RGS5: variants seen among roughly 807,000 people sequenced by gnomAD.
The protein encoded by RGS5 is regulator of G protein signaling 5.
A neutral mutation model predicts 18.9 loss-of-function variants in RGS5; 20 were observed. That is an observed-to-expected ratio of 1.06 (90% CI 0.74 to 1.54). The LOEUF (loss-of-function observed/expected upper bound fraction) is 1.54. RGS5 is among the 40% of genes most tolerant of loss of function. The probability of loss-of-function intolerance (pLI) is 0.00; values close to 1 mark genes in which losing one functional copy is unlikely to be tolerated. For synonymous variants in RGS5, 57 were observed against 76.2 expected (o/e 0.75, Z 1.31); for missense variants, 201 against 211.8 (o/e 0.95, Z 0.32).
intron 1 of RGS5, among the ~76,000 whole-genome samples, chr1:163,192,997 T>C (rs1659417634): frequency 6.6e-6 from 1 of 152,226 alleles, no homozygotes; most frequent in Admixed American, 6.5e-5. Context: ...GAAACAGATG[T>C]TCGGCACAAG....
chr1:163,217,585 T>G, exon 1 of RGS5: 1 of 1,547,020 alleles, frequency 6.5e-7, no homozygotes, highest in Non-Finnish European at 8.7e-7. Flanking sequence ...GAAATGTTTC[T>G]TGCGCACATT....
intron 2 of RGS5, among the ~76,000 whole-genome samples, chr1:163,261,626 C>A (rs1648435718): frequency 6.6e-6 from 1 of 152,176 alleles, no homozygotes; most frequent in Non-Finnish European, 1.5e-5. Context: ...ATGGGAAACG[C>A]CTCACTCCTC....
In RGS5 at chr1:163,146,893, G is replaced by C. The variant is rs1372181123; in HGVS notation, c.*449C>G. ...TATTAACCAAGTTCAGAAATAATTA[G>C]AGGGGTGATCTCCCTGGATCAGAAC... is the stretch of plus-strand genomic sequence containing the variant. On this transcript the variant is annotated 3_prime_UTR_variant, in exon 5 of 5. Coordinates refer to ENST00000313961, the MANE Select transcript of RGS5 (RefSeq NM_003617.4). 2.0e-5 allele frequency: 3 copies of C among 152,462 alleles called. No homozygotes were observed. The highest frequency in any genetic ancestry group is 4.4e-5 in the Non-Finnish European group (3 of 68,238). 9.4% of individuals were successfully genotyped at this position (152,462 alleles called of 1,614,324 possible).
chr1:163,220,761 GA>G (rs1209555682), upstream of RGS5, among the ~76,000 whole-genome samples: 1 of 152,134 alleles, frequency 6.6e-6, no homozygotes, highest in Non-Finnish European at 1.5e-5. Context: ...AATTAACCTG[GA>G]TTATCTCAGT....
rs574276489 is a variant in RGS5, at chr1:163,143,932, T to C, written c.*3410A>G. ...GAAAATAATTAACAGCTCCATCCTATTGAAATGGCTTGTGTACAGAGCACA... is the reference window on the plus strand; with the variant it reads ...GAAAATAATTAACAGCTCCATCCTACTGAAATGGCTTGTGTACAGAGCACA... On this transcript the variant is annotated 3_prime_UTR_variant, in exon 5 of 5. Coordinates refer to ENST00000313961, the MANE Select transcript of RGS5 (RefSeq NM_003617.4). 2.6e-5 allele frequency: 4 copies of C among 152,232 alleles called. No homozygotes were observed. The highest frequency in any genetic ancestry group is 2.1e-4 in the South Asian group (1 of 4,826). The allele number at this position is 152,232 out of a possible 1,614,324, so 9.4% of individuals were successfully genotyped here. A position where few individuals can be genotyped will look rare whatever the true frequency, so the allele number is the denominator to read the frequency against.
At chr1:163,205,614 CA>C (rs1260518289), upstream of RGS5, among the ~76,000 whole-genome samples, 3 of 151,902 alleles carry the variant, frequency 2.0e-5, no homozygotes, top group African/African-American at 2.4e-5. Context: ...GGAGGGAATT[CA>C]GGGGGGTGCT....
At chr1:163,292,984 GAT>G (rs1253073242) in intron 2 of RGS5, among the ~76,000 whole-genome samples, 1 of 151,968 alleles carries the variant, frequency 6.6e-6, no homozygotes, top group African/African-American at 2.4e-5. Flanking sequence ...TTACTCTGTT[GAT>G]AGTTTCCTTT....
chr1:163,196,421 C>A (rs1373731586), intron 1 of RGS5, among the ~76,000 whole-genome samples: 1 of 152,084 alleles, frequency 6.6e-6, no homozygotes, highest in African/African-American at 2.4e-5. Flanking sequence ...GTAGTCCTTG[C>A]TAGAGAAGGA....
intron 1 of RGS5, among the ~76,000 whole-genome samples, chr1:163,208,628 A>T (rs1189809171): frequency 6.6e-6 from 1 of 151,736 alleles, no homozygotes; most frequent in African/African-American, 2.4e-5. Context: ...AAATAAAGAA[A>T]TGGACAAGGG....
intron 2 of RGS5, among the ~76,000 whole-genome samples, chr1:163,263,330 A>T (rs895655131): frequency 4.6e-5 from 7 of 152,114 alleles, no homozygotes; most frequent in African/African-American, 1.7e-4. Context: ...GCTTCTTCAG[A>T]TTCTTGAACT....
chr1:163,151,570 T>C (rs970530574), intron 4 of RGS5, among the ~76,000 whole-genome samples: 2 of 152,156 alleles, frequency 1.3e-5, no homozygotes, highest in Admixed American at 1.3e-4. Context: ...GGGGGCAGTT[T>C]CCCTTATACT....
chr1:163,244,971 CCATT>C (rs1320959278), intron 2 of RGS5: 1 of 152,190 alleles, frequency 6.6e-6, no homozygotes, highest in East Asian at 1.9e-4. Context: ...TCTTGGGTTC[CCATT>C]CTTCTCCCTG....
At chr1:163,251,845 C>T (rs377351838) in intron 2 of RGS5, among the ~76,000 whole-genome samples, 3 of 152,120 alleles carry the variant, frequency 2.0e-5, no homozygotes, top group Non-Finnish European at 1.5e-5. Context: ...CTACATGTAT[C>T]GATTGTTGAC....
At chr1:163,166,538 T>C (rs1202242417) in intron 2 of RGS5, among the ~76,000 whole-genome samples, 2 of 152,174 alleles carry the variant, frequency 1.3e-5, no homozygotes, top group African/African-American at 2.4e-5. Context: ...ATAAATGGCA[T>C]AGAAAGTTGC....
At chr1:163,227,621 C>T (rs1185073667) in intron 2 of RGS5, among the ~76,000 whole-genome samples, 1 of 132,784 alleles carries the variant, frequency 7.5e-6, no homozygotes, top group Non-Finnish European at 1.6e-5. Context: ...CATTTCAAAA[C>T]ACAATCATGC....
intron 2 of RGS5, among the ~76,000 whole-genome samples, chr1:163,280,758 A>C (rs2101718480): frequency 6.6e-6 from 1 of 152,314 alleles, no homozygotes; most frequent in East Asian, 1.9e-4. Context: ...TCTTCACAAA[A>C]ATAAAAAAAA....
Position 163,302,397 on chromosome 1 carries a change from A to G in RGS5, c.-281+3836T>C, listed in dbSNP as rs556899778. Among the ~76,000 whole-genome samples, 29 of 152,278 alleles carry G rather than the reference A, an allele frequency of 1.9e-4. 1 individual carries two copies. The South Asian group carries it at 6.0e-3, about 32-fold the overall frequency. On this transcript the variant is annotated intron_variant, in intron 2 of 5. Coordinates refer to the RGS5 transcript ENST00000618415. ...AAGCTTGTGATTTTCCCACTTACCT[A>G]TATTTCCTTTTCACCTAATATGTTT...
intron 1 of RGS5, among the ~76,000 whole-genome samples, chr1:163,184,671 G>A (rs948067653): frequency 3.9e-5 from 6 of 152,074 alleles, no homozygotes; most frequent in African/African-American, 1.4e-4. Flanking sequence ...AAGGCAGGAG[G>A]GTCAAGTCTG....
In RGS5 at chr1:163,269,693, A is replaced by G. The variant is rs1421051800; in HGVS notation, c.-281+36540T>C. Reference sequence around the variant, plus strand: ...TAAATGCCTAGAATTTAAAAATCACAGTTATTACTAACAAAACAAGCTTCA... The same window carrying G: ...TAAATGCCTAGAATTTAAAAATCACGGTTATTACTAACAAAACAAGCTTCA... On this transcript the variant is annotated intron_variant, in intron 2 of 5. Transcript: ENST00000618415. 2.6e-5 allele frequency among the ~76,000 whole-genome samples: 4 copies of G among 152,206 alleles called. No homozygotes were observed. In the South Asian group the frequency reaches 8.3e-4, roughly 31 times the overall value.
Sources: allele counts gnomAD v4.1 joint callset (sites outside exome capture counted in the v4.1 genomes callset), GRCh38; gene constraint gnomAD v4.1.1; transcripts MANE v1.5; gene names NCBI Gene and HGNC (gene_info 2026-07-23, HGNC 2026-07-21).